The following SPIDR variants were observed in gnomAD, a reference collection of about 807,000 sequenced individuals.
The protein encoded by SPIDR is scaffold protein involved in DNA repair.
A neutral mutation model predicts 104.6 loss-of-function variants in SPIDR; 93 were observed. The observed-to-expected ratio is 0.89, with a 90% CI of 0.75 to 1.06. The LOEUF (loss-of-function observed/expected upper bound fraction) is 1.06. SPIDR is among the 50% of genes least tolerant of loss of function. SPIDR has a pLI of 0.00. For missense variants in SPIDR, 1,154 were observed against 1,111.2 expected (o/e 1.04, Z -0.55); for synonymous variants, 431 against 416.9 (o/e 1.03, Z -0.41).
intron 8 of SPIDR, among the ~76,000 whole-genome samples, chr8:47,485,414 T>A (rs1363549020): frequency 6.6e-6 from 1 of 152,154 alleles, no homozygotes; most frequent in Non-Finnish European, 1.5e-5. Context: ...CTCTGTAAAC[T>A]CCACCTCTGC....
intron 8 of SPIDR, among the ~76,000 whole-genome samples, chr8:47,485,709 T>A (rs1212190039): frequency 6.6e-6 from 1 of 152,202 alleles, no homozygotes; most frequent in Non-Finnish European, 1.5e-5. Flanking sequence ...TATTGTCTGT[T>A]CTGCAGCCTC....
chr8:47,432,802 T>C (rs2067590513), intron 7 of SPIDR, among the ~76,000 whole-genome samples: 1 of 152,142 alleles, frequency 6.6e-6, no homozygotes, highest in African/African-American at 2.4e-5. Context: ...CAAAGGACTT[T>C]CCATACAATG....
intron 5 of SPIDR, among the ~76,000 whole-genome samples, chr8:47,350,317 A>T (rs1186017455): frequency 6.6e-6 from 1 of 152,154 alleles, no homozygotes; most frequent in Non-Finnish European, 1.5e-5. Flanking sequence ...GTTATAATTT[A>T]TGTGTCATAA....
At chr8:47,511,279 A>G in intron 8 of SPIDR, 4 of 1,474,602 alleles carry the variant, frequency 2.7e-6, no homozygotes, top group Non-Finnish European at 3.8e-6. Flanking sequence ...TGATTCGACG[A>G]TTAAGATGGA....
intron 8 of SPIDR, among the ~76,000 whole-genome samples, chr8:47,538,334 A>G (rs1047679294): frequency 6.6e-6 from 1 of 152,196 alleles, no homozygotes; most frequent in Non-Finnish European, 1.5e-5. Flanking sequence ...ACCTGAGGTC[A>G]GGAGTTCGAG....
At chr8:47,461,765 T>C (rs1235774070) in intron 8 of SPIDR, among the ~76,000 whole-genome samples, 1 of 152,068 alleles carries the variant, frequency 6.6e-6, no homozygotes, top group Non-Finnish European at 1.5e-5. Context: ...TTCCTGAAGT[T>C]GTGATTTTTT....
At chr8:47,683,479 C>T (rs576484113) in intron 11 of SPIDR, among the ~76,000 whole-genome samples, 3 of 152,306 alleles carry the variant, frequency 2.0e-5, no homozygotes, top group South Asian at 2.1e-4. Flanking sequence ...CGTGGGAAAG[C>T]GCTCAGAGTA....
intron 8 of SPIDR, among the ~76,000 whole-genome samples, chr8:47,480,252 A>G (rs1309870895): frequency 6.6e-6 from 1 of 152,154 alleles, no homozygotes; most frequent in Non-Finnish European, 1.5e-5. Context: ...AAAGTAGAAG[A>G]TTAGGAGGAA....
At chr8:47,728,857 G>C (rs1589598158) in intron 17 of SPIDR, 76 bp from the exon 18 acceptor site, 1 of 1,512,286 alleles carries the variant, frequency 6.6e-7, no homozygotes, top group South Asian at 1.3e-5. Context: ...TCATGTTTAA[G>C]AAAATGTCTC....
intron 8 of SPIDR, among the ~76,000 whole-genome samples, chr8:47,455,760 C>T (rs1388907048): frequency 6.6e-6 from 1 of 151,952 alleles, no homozygotes; most frequent in Non-Finnish European, 1.5e-5. Context: ...ACAAGGGATG[C>T]AGAGGACATT....
intron 10 of SPIDR, among the ~76,000 whole-genome samples, chr8:47,600,363 A>ACC (rs2062115832): frequency 6.6e-6 from 1 of 152,116 alleles, no homozygotes; most frequent in Non-Finnish European, 1.5e-5. Flanking sequence ...TAATATAAAG[A>ACC]CAATGCAATC....
chr8:47,343,235 A>G (rs1272981105), intron 5 of SPIDR, among the ~76,000 whole-genome samples: 2 of 152,216 alleles, frequency 1.3e-5, no homozygotes, highest in Non-Finnish European at 2.9e-5. Flanking sequence ...GAAAACAAAG[A>G]TTCCCTTTAT....
At chr8:47,627,036 C>A (rs943788108) in intron 10 of SPIDR, among the ~76,000 whole-genome samples, 1 of 152,186 alleles carries the variant, frequency 6.6e-6, no homozygotes, top group Non-Finnish European at 1.5e-5. Context: ...GGCACATATA[C>A]ACCATGGAAT....
intron 8 of SPIDR, among the ~76,000 whole-genome samples, chr8:47,503,616 C>A (rs954059545): frequency 2.6e-5 from 4 of 152,074 alleles, no homozygotes; most frequent in South Asian, 2.1e-4. Context: ...TTTTAATTGG[C>A]GCATTTAGCC....
intron 5 of SPIDR, among the ~76,000 whole-genome samples, chr8:47,311,967 G>C (rs1474604714): frequency 1.3e-5 from 2 of 152,104 alleles, no homozygotes; most frequent in African/African-American, 4.8e-5. Context: ...AGAACATGCG[G>C]TGTTTGGTTT....
chr8:47,415,667 T>C (rs1554674801), intron 7 of SPIDR, among the ~76,000 whole-genome samples: 1 of 152,214 alleles, frequency 6.6e-6, no homozygotes, highest in African/African-American at 2.4e-5. Context: ...TGTGAGAATG[T>C]AGGCTCTCAC....
intron 6 of SPIDR, among the ~76,000 whole-genome samples, chr8:47,403,573 G>A (rs2062238168): frequency 6.6e-6 from 1 of 151,986 alleles, no homozygotes; most frequent in African/African-American, 2.4e-5. Flanking sequence ...AGACAAAACA[G>A]CCAAATTATG....
At chr8:47,312,080 T>C (rs2154255082) in intron 5 of SPIDR, among the ~76,000 whole-genome samples, 1 of 152,366 alleles carries the variant, frequency 6.6e-6, no homozygotes. Context: ...TAGTATTCCA[T>C]GGTGGATATG....
intron 8 of SPIDR, among the ~76,000 whole-genome samples, chr8:47,583,528 T>A (rs932887663): frequency 6.6e-6 from 1 of 152,158 alleles, no homozygotes; most frequent in African/African-American, 2.4e-5. Flanking sequence ...TTTGTGACAA[T>A]GAGATCTGTA....
Sources: gnomAD v4.1 joint callset for allele counts (sites outside exome capture counted in the v4.1 genomes callset) on GRCh38, gnomAD v4.1.1 for gene constraint, MANE v1.5 for transcripts, NCBI Gene and HGNC (gene_info 2026-07-23, HGNC 2026-07-21) for gene names.